Variants in FAM227B observed in about 807,000 individuals in gnomAD.
FAM227B encodes the protein protein FAM227B.
FAM227B carries 88 observed loss-of-function variants against 73.8 expected under a neutral mutation model. That is an observed-to-expected ratio of 1.19 (90% CI 1.00 to 1.42). The LOEUF is 1.42. Among genes scored for constraint, FAM227B ranks in the 40% most tolerant of loss-of-function variants. The pLI, the probability that FAM227B is intolerant of heterozygous loss-of-function variation, is 0.00. For missense variants in FAM227B, 632 were observed against 590.9 expected (o/e 1.07, Z -0.72); for synonymous variants, 210 against 190.5 (o/e 1.10, Z -0.84).
chr15:49,419,988 A>G (rs2049488069), intron 11 of FAM227B, among the ~76,000 whole-genome samples: 1 of 152,172 alleles, frequency 6.6e-6, no homozygotes, highest in Admixed American at 6.5e-5. Flanking sequence ...GATAACTACA[A>G]TTTAATGGCA....
chr15:49,529,573 T>C (rs2060462002), intron 10 of FAM227B, among the ~76,000 whole-genome samples: 1 of 151,636 alleles, frequency 6.6e-6, no homozygotes, highest in African/African-American at 2.4e-5. Context: ...GTACATAGAG[T>C]TGCAAGAAAT....
intron 1 of FAM227B, among the ~76,000 whole-genome samples, chr15:49,615,878 G>C (rs1293486959): frequency 2.0e-5 from 3 of 152,174 alleles, no homozygotes; most frequent in African/African-American, 7.2e-5. Flanking sequence ...TTATAAGAAA[G>C]ATTGGCCTGA....
chr15:49,341,238 G>T (rs2040687121), intron 13 of FAM227B, among the ~76,000 whole-genome samples: 1 of 151,782 alleles, frequency 6.6e-6, no homozygotes. Flanking sequence ...GATTTTTTTT[G>T]GCTATTTGGG....
At chr15:49,380,837 C>G (rs2046480717) in intron 11 of FAM227B, among the ~76,000 whole-genome samples, 1 of 151,894 alleles carries the variant, frequency 6.6e-6, no homozygotes, top group South Asian at 2.1e-4. Context: ...AATGAAATGT[C>G]GGCAGAAGCC....
chr15:49,530,621 GA>G (rs948144328), intron 10 of FAM227B, among the ~76,000 whole-genome samples: 3 of 151,672 alleles, frequency 2.0e-5, no homozygotes, highest in Non-Finnish European at 4.4e-5. Flanking sequence ...TGAAAGGCTA[GA>G]AAAAATTGAA....
intron 11 of FAM227B, among the ~76,000 whole-genome samples, chr15:49,435,488 T>C (rs563437802): frequency 9.2e-5 from 14 of 151,744 alleles, no homozygotes; most frequent in African/African-American, 3.1e-4. Flanking sequence ...GCTACTTTCA[T>C]AAAACTACTG....
chr15:49,530,849 C>T (rs938578596), intron 10 of FAM227B, among the ~76,000 whole-genome samples: 4 of 142,268 alleles, frequency 2.8e-5, no homozygotes, highest in African/African-American at 1.1e-4. Flanking sequence ...CATATTAAAA[C>T]TACTGTAAAT....
At chr15:49,377,512 A>T (rs1249103436) in intron 11 of FAM227B, among the ~76,000 whole-genome samples, 2 of 152,018 alleles carry the variant, frequency 1.3e-5, no homozygotes, top group Non-Finnish European at 2.9e-5. Context: ...TTTTCTCCAT[A>T]TCCTTGCCTA....
intron 10 of FAM227B, among the ~76,000 whole-genome samples, chr15:49,519,721 G>A (rs554215613): frequency 1.1e-4 from 16 of 152,228 alleles, no homozygotes; most frequent in African/African-American, 3.6e-4. Context: ...TTCTTCCTAG[G>A]CCTCAGCTTG....
chr15:49,605,709 G>A (rs1415424477), intron 3 of FAM227B, among the ~76,000 whole-genome samples: 1 of 151,800 alleles, frequency 6.6e-6, no homozygotes, highest in Admixed American at 6.6e-5. Flanking sequence ...TGACTGCCCT[G>A]GAGCCTGCCT....
At chr15:49,547,585 A>T (rs2072123771) in intron 9 of FAM227B, among the ~76,000 whole-genome samples, 1 of 152,208 alleles carries the variant, frequency 6.6e-6, no homozygotes, top group African/African-American at 2.4e-5. Flanking sequence ...ATGGAGGAAG[A>T]TCTACCAAGC....
Position 49,594,129 on chromosome 15 carries a change from A to G in FAM227B, c.106-4122T>C, listed in dbSNP as rs76027508. Among the ~76,000 whole-genome samples the G allele has an allele frequency of 3.7e-3, 568 of 152,178 alleles. 9 individuals carry two copies. Among genetic ancestry groups the G allele is most frequent in the South Asian group, 0.026 (127 of 4,812 alleles). On this transcript the variant is annotated intron_variant, in intron 3 of 15. Transcript: ENST00000299338. ...TAATTTTGGCAATTCTCGCAGGAGT[A>G]AGGTGGTATTGCATTGTGGTTTTGA...
Position 49,489,854 on chromosome 15 carries a change from T to TA in FAM227B, c.1012+18356dup, listed in dbSNP as rs1202892639. On this transcript the variant is annotated intron_variant, in intron 11 of 15. Coordinates refer to ENST00000299338, the MANE Select transcript of FAM227B (RefSeq NM_152647.3). ...TATATATATATTTTATATATATATA[T>TA]ATATTTTATATATATATATATATAT... 0.014 allele frequency among the ~76,000 whole-genome samples: 213 copies of TA among 15,678 alleles called. 29 individuals carry two copies. The East Asian group carries it at 0.17, about 12-fold the overall frequency. The allele number at this position is 15,678 out of a possible 152,430, so 10.3% of individuals were successfully genotyped here.
intron 3 of FAM227B, among the ~76,000 whole-genome samples, chr15:49,606,969 G>A (rs2077561937): frequency 6.6e-6 from 1 of 152,158 alleles, no homozygotes; most frequent in Admixed American, 6.5e-5. Context: ...ATGAATAAGA[G>A]AATACTTTTT....
intron 5 of FAM227B, among the ~76,000 whole-genome samples, chr15:49,580,866 A>G (rs1436540796): frequency 6.6e-6 from 1 of 152,208 alleles, no homozygotes; most frequent in African/African-American, 2.4e-5. Flanking sequence ...AGCAGAATAG[A>G]CCAAGATGAG....
chr15:49,360,162 C>G (rs975929700), intron 13 of FAM227B, among the ~76,000 whole-genome samples: 2 of 150,852 alleles, frequency 1.3e-5, no homozygotes, highest in South Asian at 4.2e-4. Flanking sequence ...GTGGGTGCAG[C>G]GCACCAGCAT....
In FAM227B at chr15:49,496,452, A is replaced by AAG. The variant is rs149973603; in HGVS notation, c.1012+11757_1012+11758dup. Among the ~76,000 whole-genome samples the AAG allele has an allele frequency of 5.8e-3, 882 of 152,370 alleles. 9 individuals are homozygous for AAG. Among genetic ancestry groups the AAG allele is most frequent in the African/African-American group, 0.021 (853 of 41,590 alleles). On this transcript the variant is annotated intron_variant, in intron 11 of 15. Coordinates refer to ENST00000299338, the MANE Select transcript of FAM227B (RefSeq NM_152647.3). ...GCTTAAATGGTATTGTACCACAATA[A>AAG]AGAAATTAACATTAAAATTTTAGTC...
At position 49,328,439 on chromosome 15, in the gene FAM227B, A is replaced by G; in HGVS notation, c.*129T>C. 2 of 1,454,566 alleles carry G rather than the reference A, an allele frequency of 1.4e-6. No homozygotes were observed. Among genetic ancestry groups the G allele is most frequent in the Non-Finnish European group, 9.1e-7 (1 of 1,104,474 alleles). 90.1% of individuals were successfully genotyped at this position (1,454,566 alleles called of 1,614,324 possible). A position where few individuals can be genotyped will look rare whatever the true frequency, so the allele number is the denominator to read the frequency against. On this transcript the variant is annotated 3_prime_UTR_variant, in exon 16 of 16. Coordinates refer to ENST00000299338, the MANE Select transcript of FAM227B (RefSeq NM_152647.3). ...ATTTATTGATTTGAAGATTTTAAAG[A>G]TGAATGGTAAAACACACTCTTAATA...
chr15:49,459,296 G>A (rs1204044671), intron 11 of FAM227B, among the ~76,000 whole-genome samples: 1 of 152,122 alleles, frequency 6.6e-6, no homozygotes, highest in Non-Finnish European at 1.5e-5. Flanking sequence ...TCTGCATTAG[G>A]TGCTTTCTAG....
Sources: gnomAD v4.1 joint callset for allele counts (sites outside exome capture counted in the v4.1 genomes callset) on GRCh38, gnomAD v4.1.1 for gene constraint, MANE v1.5 for transcripts, NCBI Gene and HGNC (gene_info 2026-07-23, HGNC 2026-07-21) for gene names.